The following OR52N5 variants were observed in gnomAD, a reference collection of about 807,000 sequenced individuals.
OR52N5 encodes olfactory receptor 52N5.
OR52N5 carries 10 observed loss-of-function variants against 14.1 expected under a neutral mutation model. That is an observed-to-expected ratio of 0.71 (90% CI 0.44 to 1.20). The LOEUF is 1.20. Ranked by LOEUF, OR52N5 falls within the 50% of genes most tolerant of loss-of-function variation. The pLI is 0.00. For missense variants in OR52N5, 361 were observed against 403.2 expected, an observed-to-expected ratio of 0.90 and a Z score of 0.90; for synonymous variants, 116 against 143.0, an observed-to-expected ratio of 0.81 and a Z score of 1.35.
rs12360738 is a variant in OR52N5 at position 5,778,238 on chromosome 11, C to A, written c.397G>T (p.Val133Leu). 6.6e-7 allele frequency: 1 copy of A among 1,519,432 alleles called. No homozygotes were observed. 94.1% of individuals were successfully genotyped at this position (1,519,432 alleles called of 1,614,324 possible). Residue 133 changes from valine to leucine, a missense_variant, in exon 3 of 3, where the codon GTA becomes TTA. Physicochemically the swap from Val to Leu is conservative, Grantham distance 32 (BLOSUM62 1). Transcript: ENST00000641181. ...VLMLMALDRY[V>L]AICYPLRYAT... ...TAACGCAAAGGGTAGCAAATGGCTA[C>A]ATAGCGGTCTAGAGCCATGAGCATG... is the stretch of plus-strand genomic sequence containing the variant.
chr11:5,780,412 A>G (rs2134226349), intron 2 of OR52N5, among the ~76,000 whole-genome samples: 1 of 139,884 alleles, frequency 7.1e-6, no homozygotes, highest in East Asian at 2.1e-4. Flanking sequence ...CAAAGTAAAG[A>G]ATATTATAGC....
At chr11:5,779,679 A>C (rs2134226065) in intron 2 of OR52N5, among the ~76,000 whole-genome samples, 1 of 140,102 alleles carries the variant, frequency 7.1e-6, no homozygotes, top group South Asian at 2.3e-4. Context: ...TATTTTCATC[A>C]GAAATATCCA....
At position 5,780,178 on chromosome 11, in the gene OR52N5, T is replaced by A. The variant is rs1854537604; in HGVS notation, c.-24+1355A>T. On this transcript the variant is annotated intron_variant, in intron 2 of 2. Transcript: ENST00000641181. ...TGAGAACAGGGCTCAAATTCCTTGG[T>A]ATGACATTTAATAAAAGGAAATTTA... is the stretch of plus-strand genomic sequence containing the variant. Among the ~76,000 whole-genome samples, 2 of 139,880 alleles carry A rather than the reference T, an allele frequency of 1.4e-5. 1 individual carries two copies. Among genetic ancestry groups the A allele is most frequent in the African/African-American group, 5.2e-5 (2 of 38,348 alleles). 91.8% of individuals were successfully genotyped at this position (139,880 alleles called of 152,430 possible). A position where few individuals can be genotyped will look rare whatever the true frequency, so the allele number is the denominator to read the frequency against.
Position 5,782,502 on chromosome 11 carries a change from C to T in OR52N5, c.-247-746G>A, listed in dbSNP as rs534252514. ...CTGCTAATTAAATAGTATCTAATCA[C>T]TATCTAATCAAGACTCTTTGTTCAA... On this transcript the variant is annotated intron_variant, in intron 1 of 2. Coordinates refer to ENST00000641181, the MANE Select transcript of OR52N5 (RefSeq NM_001385662.1). Among the ~76,000 whole-genome samples, 3 of 140,598 alleles carry T rather than the reference C, an allele frequency of 2.1e-5. 1 individual carries two copies. In the Admixed American group the frequency reaches 2.2e-4, roughly 10 times the overall value. 92.2% of individuals were successfully genotyped at this position (140,598 alleles called of 152,430 possible). A position where few individuals can be genotyped will look rare whatever the true frequency, so the allele number is the denominator to read the frequency against.
chr11:5,781,409 C>T (rs1463640966), intron 2 of OR52N5, 124 bp downstream of exon 2: 1 of 139,792 alleles, frequency 7.2e-6, no homozygotes, highest in Non-Finnish European at 1.6e-5. Flanking sequence ...AATTTGGTTA[C>T]AAATACTATG....
At position 5,777,074 on chromosome 11, in the gene OR52N5, T is replaced by A. The variant is rs1854499465; in HGVS notation, c.*586A>T. 4 of 139,718 alleles carry A rather than the reference T, an allele frequency of 2.9e-5. 1 individual carries two copies. In the Admixed American group the frequency reaches 3.0e-4, roughly 10 times the overall value. 8.7% of individuals were successfully genotyped at this position (139,718 alleles called of 1,614,324 possible). A position where few individuals can be genotyped will look rare whatever the true frequency, so the allele number is the denominator to read the frequency against. On this transcript the variant is annotated 3_prime_UTR_variant, in exon 3 of 3. Transcript: ENST00000641181. ...ACATAGTGTTCAATAGTACAGTGGA[T>A]AACTGTAGTTAACAATAATTTATTA...
chr11:5,777,508 G>A lies in OR52N5; in HGVS notation c.*152C>T. 2 of 551,298 alleles carry A rather than the reference G, an allele frequency of 3.6e-6. No individual in the cohort carries two copies. Among genetic ancestry groups the A allele is most frequent in the Non-Finnish European group, 5.7e-6 (2 of 350,776 alleles). 34.2% of individuals were successfully genotyped at this position (551,298 alleles called of 1,614,324 possible). ...GCACTGAGATATACATCCAGAATGGGCTATAAATTTCCCCAAAACAGTTTC... is the reference window on the plus strand; with the variant it reads ...GCACTGAGATATACATCCAGAATGGACTATAAATTTCCCCAAAACAGTTTC... On this transcript the variant is annotated 3_prime_UTR_variant, in exon 3 of 3. Transcript: ENST00000641181.
Position 5,776,802 on chromosome 11 carries a change from T to C in OR52N5, c.*858A>G, listed in dbSNP as rs917048549. 7.1e-6 allele frequency: 1 copy of C among 140,738 alleles called. No individual in the cohort carries two copies. The highest frequency in any genetic ancestry group is 7.3e-5 in the Admixed American group (1 of 13,640). 8.7% of individuals were successfully genotyped at this position (140,738 alleles called of 1,614,324 possible). ...TGTTGATGGACACAGGTTGATTTCA[T>C]GTCTTGGCTATTGTGAACAATGTTG... On this transcript the variant is annotated 3_prime_UTR_variant, in exon 3 of 3. Coordinates refer to ENST00000641181, the MANE Select transcript of OR52N5 (RefSeq NM_001385662.1).
rs531740074 is a variant in OR52N5 at position 5,780,108 on chromosome 11, GT to G, written c.-24+1424del. 7.1e-4 allele frequency among the ~76,000 whole-genome samples: 99 copies of G among 140,046 alleles called. 13 individuals are homozygous for G. Among genetic ancestry groups the G allele is most frequent in the African/African-American group, 2.4e-3 (91 of 38,410 alleles). 91.9% of individuals were successfully genotyped at this position (140,046 alleles called of 152,430 possible). A position where few individuals can be genotyped will look rare whatever the true frequency, so the allele number is the denominator to read the frequency against. The stretch of plus-strand genomic sequence containing the variant: ...TTTCCTGTAGTACAATTTTGAAGAT[GT>G]TTTAATCCACTGCTTAATAATCTTC... On this transcript the variant is annotated intron_variant, in intron 2 of 2. Transcript: ENST00000641181.
At position 5,777,596 on chromosome 11, in the gene OR52N5, A is replaced by G; in HGVS notation, c.*64T>C. On this transcript the variant is annotated 3_prime_UTR_variant, in exon 3 of 3. Coordinates refer to ENST00000641181, the MANE Select transcript of OR52N5 (RefSeq NM_001385662.1). ...CACATGAATAAATGTAAAATATCAC[A>G]CGTAAGTTTATTCTTTGTTATTTTT... is the stretch of plus-strand genomic sequence containing the variant. 8.7e-7 allele frequency: 1 copy of G among 1,150,484 alleles called. No homozygotes were observed. Among genetic ancestry groups the G allele is most frequent in the Admixed American group, 2.6e-5 (1 of 38,090 alleles). The allele number at this position is 1,150,484 out of a possible 1,614,324, so 71.3% of individuals were successfully genotyped here.
rs141457992 is a variant in OR52N5 at position 5,777,967 on chromosome 11, A to G, written c.668T>C (p.Ile223Thr). ...GAGGATCAAAGTGTAAGACAAAGATATACAACAAATGTCAAACACTCCAAT... is the reference window on the plus strand; with the variant it reads ...GAGGATCAAAGTGTAAGACAAAGATGTACAACAAATGTCAAACACTCCAAT... ...LLIGVFDICC[I>T]SLSYTLILKA... Residue 223 changes from isoleucine to threonine, a missense_variant, in exon 3 of 3, where the codon ATA becomes ACA. By Grantham distance (89) the Ile-to-Thr change is moderately conservative (BLOSUM62 -1). Coordinates refer to ENST00000641181, the MANE Select transcript of OR52N5 (RefSeq NM_001385662.1). 1.6e-4 allele frequency: 242 copies of G among 1,519,938 alleles called. 41 individuals carry two copies. In the African/African-American group the frequency reaches 2.6e-3, roughly 16 times the overall value. 94.2% of individuals were successfully genotyped at this position (1,519,938 alleles called of 1,614,324 possible).
chr11:5,782,785 T>A (rs1181802190), intron 1 of OR52N5, among the ~76,000 whole-genome samples: 1 of 138,354 alleles, frequency 7.2e-6, no homozygotes, highest in African/African-American at 2.7e-5. Flanking sequence ...TTTTATCCCA[T>A]GAAAAAGGAC....
In OR52N5 at chr11:5,778,669, G is replaced by A; in HGVS notation, c.-23-12C>T. 1 of 1,295,922 alleles carries A rather than the reference G, an allele frequency of 7.7e-7. No homozygotes were observed. The allele number at this position is 1,295,922 out of a possible 1,614,324, so 80.3% of individuals were successfully genotyped here. On this transcript the variant is annotated splice_polypyrimidine_tract_variant and intron_variant, in intron 2 of 2. Transcript: ENST00000641181. ...CCAGAAGTTTCATCCTGAAGAGAAG[G>A]AATTATGAAACAAATTTCATTCAAA...
rs1854502018 is a variant in OR52N5, at chr11:5,777,307, A to G, written c.*353T>C. On this transcript the variant is annotated 3_prime_UTR_variant, in exon 3 of 3. Coordinates refer to ENST00000641181, the MANE Select transcript of OR52N5 (RefSeq NM_001385662.1). ...AAAAATAACACGTGATTTTTAAAAA[A>G]ACACCATTCTACTTTTTACTTCTAT... 1.4e-5 allele frequency: 2 copies of G among 146,542 alleles called. 1 individual carries two copies. The highest frequency in any genetic ancestry group is 1.5e-4 in the Admixed American group (2 of 13,782). The allele number at this position is 146,542 out of a possible 1,614,324, so 9.1% of individuals were successfully genotyped here.
At chr11:5,780,742 C>T (rs1269492253) in intron 2 of OR52N5, among the ~76,000 whole-genome samples, 2 of 139,026 alleles carry the variant, frequency 1.4e-5, no homozygotes, top group Non-Finnish European at 3.2e-5. Context: ...GAAAAAAGCC[C>T]ATATATCTAC....
rs1854502392 is a variant in OR52N5 at position 5,777,344 on chromosome 11, G to C, written c.*316C>G. 2 of 159,064 alleles carry C rather than the reference G, an allele frequency of 1.3e-5. 1 individual carries two copies. The highest frequency in any genetic ancestry group is 4.4e-4 in the South Asian group (2 of 4,566). 9.9% of individuals were successfully genotyped at this position (159,064 alleles called of 1,614,324 possible). A position where few individuals can be genotyped will look rare whatever the true frequency, so the allele number is the denominator to read the frequency against. ...CTTTTTACTTCTATGAATTGAACTA[G>C]TTTTAGCCATTCTGTAAGGTTTATA... On this transcript the variant is annotated 3_prime_UTR_variant, in exon 3 of 3. Transcript: ENST00000641181.
intron 1 of OR52N5, among the ~76,000 whole-genome samples, chr11:5,782,638 C>T (rs185061326): frequency 2.1e-5 from 3 of 139,820 alleles, no homozygotes; most frequent in East Asian, 4.1e-4. Flanking sequence ...CACCTTTCTT[C>T]CTCCTTGCTA....
Position 5,776,642 on chromosome 11 carries a change from CG to C in OR52N5, c.*1017del, listed in dbSNP as rs890723577. ...ATTCATACCAACGACTTGATTAAAA[CG>C]GGCAATGTAACTTTTGTCTTTCTGT... On this transcript the variant is annotated 3_prime_UTR_variant, in exon 3 of 3. Coordinates refer to ENST00000641181, the MANE Select transcript of OR52N5 (RefSeq NM_001385662.1). 6.4e-5 allele frequency: 9 copies of C among 140,032 alleles called. 2 individuals are homozygous for C. The highest frequency in any genetic ancestry group is 1.4e-4 in the Non-Finnish European group (9 of 63,300). The allele number at this position is 140,032 out of a possible 1,614,324, so 8.7% of individuals were successfully genotyped here. A position where few individuals can be genotyped will look rare whatever the true frequency, so the allele number is the denominator to read the frequency against.
At chr11:5,780,348 T>TA (rs1292256285) in intron 2 of OR52N5, among the ~76,000 whole-genome samples, 1 of 139,954 alleles carries the variant, frequency 7.1e-6, no homozygotes, top group Admixed American at 7.4e-5. Context: ...TACATATACT[T>TA]AAAGTCTATG....
Sources: allele counts gnomAD v4.1 joint callset (sites outside exome capture counted in the v4.1 genomes callset), GRCh38; gene constraint gnomAD v4.1.1; transcripts MANE v1.5; gene names NCBI Gene and HGNC (gene_info 2026-07-23, HGNC 2026-07-21).